Variants in LSAMP observed in about 807,000 individuals in gnomAD.
LSAMP encodes the protein limbic system-associated membrane protein.
In LSAMP, 7 loss-of-function variants were observed where a neutral mutation model predicts 38.6. The observed-to-expected ratio is 0.18, with a 90% CI of 0.10 to 0.34. LSAMP has a LOEUF of 0.34. Ranked by LOEUF, LSAMP falls within the 10% of genes least tolerant of loss-of-function variation. The pLI, the probability that LSAMP is intolerant of heterozygous loss-of-function variation, is 1.00. For synonymous variants in LSAMP, 154 were observed against 166.8 expected (o/e 0.92, Z 0.59); for missense variants, 313 against 420.0 (o/e 0.75, Z 2.23).
At chr3:116,366,565 C>T (rs1009937483) in intron 1 of LSAMP, among the ~76,000 whole-genome samples, 3 of 152,106 alleles carry the variant, frequency 2.0e-5, no homozygotes, top group African/African-American at 7.2e-5. Context: ...TAAAAGGTCT[C>T]AGTGAGCATG....
In LSAMP at chr3:116,133,273, T is replaced by TG. The variant is rs796546928; in HGVS notation, c.156-46718_156-46717insC. On this transcript the variant is annotated intron_variant, in intron 1 of 6. Transcript: ENST00000490035. ...TTCCTTTTTTTTTTGTTGTTGTTGTTTTGTTTGTTTTGCTTTGTTTTTGTT... is the reference window on the plus strand; with the variant it reads ...TTCCTTTTTTTTTTGTTGTTGTTGTTGTTGTTTGTTTTGCTTTGTTTTTGTT... Among the ~76,000 whole-genome samples, 50 of 151,856 alleles carry TG rather than the reference T, an allele frequency of 3.3e-4. No individual in the cohort carries two copies. In the East Asian group the frequency reaches 9.3e-3, roughly 28 times the overall value.
At chr3:116,166,919 T>A (rs2107547269) in intron 1 of LSAMP, among the ~76,000 whole-genome samples, 1 of 151,268 alleles carries the variant, frequency 6.6e-6, no homozygotes, top group African/African-American at 2.4e-5. Context: ...GCCTCCCAAG[T>A]AGCTAGGACT....
chr3:116,157,918 G>T (rs1452892212), intron 1 of LSAMP, among the ~76,000 whole-genome samples: 1 of 151,792 alleles, frequency 6.6e-6, no homozygotes, highest in African/African-American at 2.4e-5. Context: ...AAAACTTCAG[G>T]TCAATATTCT....
intron 6 of LSAMP, among the ~76,000 whole-genome samples, chr3:115,812,497 G>A (rs1445622685): frequency 6.6e-6 from 1 of 151,968 alleles, no homozygotes; most frequent in Non-Finnish European, 1.5e-5. Flanking sequence ...CACCCTTTTT[G>A]GACTTTTGGG....
At chr3:115,857,829 A>C (rs1935555380) in intron 3 of LSAMP, among the ~76,000 whole-genome samples, 1 of 152,174 alleles carries the variant, frequency 6.6e-6, no homozygotes, top group Non-Finnish European at 1.5e-5. Context: ...ATAAGTCAGA[A>C]AGAAGGGCCT....
chr3:115,916,044 A>AT (rs909420783), intron 3 of LSAMP, among the ~76,000 whole-genome samples: 10 of 151,810 alleles, frequency 6.6e-5, no homozygotes, highest in Admixed American at 1.3e-4. Flanking sequence ...CATGAGTGAG[A>AT]TTTTTTTTTA....
intron 3 of LSAMP, among the ~76,000 whole-genome samples, chr3:115,959,170 G>A (rs1438593231): frequency 1.3e-5 from 2 of 152,112 alleles, no homozygotes; most frequent in Non-Finnish European, 2.9e-5. Context: ...GTTACTAGAT[G>A]CCACTAAGGG....
intron 1 of LSAMP, among the ~76,000 whole-genome samples, chr3:116,379,176 A>G (rs922772378): frequency 6.6e-6 from 1 of 152,078 alleles, no homozygotes. Flanking sequence ...TTGACTATAC[A>G]TTGTATTGCT....
At chr3:116,050,215 C>T (rs1941368988) in intron 2 of LSAMP, among the ~76,000 whole-genome samples, 1 of 152,112 alleles carries the variant, frequency 6.6e-6, no homozygotes, top group South Asian at 2.1e-4. Context: ...AGTCCTAGTG[C>T]TTGTCAGAGG....
At chr3:115,867,238 TG>T (rs1935887454) in intron 3 of LSAMP, among the ~76,000 whole-genome samples, 1 of 152,106 alleles carries the variant, frequency 6.6e-6, no homozygotes, top group Non-Finnish European at 1.5e-5. Flanking sequence ...CAGGAGGCCT[TG>T]GAATATTTTC....
intron 1 of LSAMP, among the ~76,000 whole-genome samples, chr3:116,355,506 C>T (rs757917380): frequency 4.6e-5 from 7 of 152,112 alleles, no homozygotes; most frequent in Non-Finnish European, 7.4e-5. Context: ...ATTGGATAAA[C>T]TCTCCACAAC....
At chr3:116,023,604 CAAA>C (rs71141849) in intron 2 of LSAMP, among the ~76,000 whole-genome samples, 34 of 78,036 alleles carry the variant, frequency 4.4e-4, no homozygotes, top group Non-Finnish European at 5.2e-4. Flanking sequence ...GACTCCGTCT[CAAA>C]AAAAAAAAAA....
rs530180871 is a variant in LSAMP at position 115,842,107 on chromosome 3, T to C, written c.771-114A>G. Reference sequence around the variant, plus strand: ...AGGAGAGAAAGGAAGTAGCTAGAGTTTGTTGTTCCATGCCCAATTCCTATT... The same window carrying C: ...AGGAGAGAAAGGAAGTAGCTAGAGTCTGTTGTTCCATGCCCAATTCCTATT... On this transcript the variant is annotated intron_variant, in intron 5 of 6. Coordinates refer to ENST00000490035, the MANE Select transcript of LSAMP (RefSeq NM_002338.5). The C allele has an allele frequency of 6.9e-5, 76 of 1,100,330 alleles. No homozygotes were observed. In the South Asian group the frequency reaches 1.1e-3, roughly 16 times the overall value. The allele number at this position is 1,100,330 out of a possible 1,614,324, so 68.2% of individuals were successfully genotyped here. A position where few individuals can be genotyped will look rare whatever the true frequency, so the allele number is the denominator to read the frequency against.
chr3:115,927,535 A>G (rs1937517398), intron 3 of LSAMP, among the ~76,000 whole-genome samples: 1 of 152,100 alleles, frequency 6.6e-6, no homozygotes, highest in Non-Finnish European at 1.5e-5. Context: ...CCCACCCCAC[A>G]TAACCATGGT....
At chr3:115,841,728 A>G (rs1935002043) in intron 6 of LSAMP, 117 bp downstream of exon 6, 1 of 1,236,210 alleles carries the variant, frequency 8.1e-7, no homozygotes, top group East Asian at 2.4e-5. Flanking sequence ...GTTTCAGTGC[A>G]TATATCCTTA....
At chr3:115,868,617 A>G (rs1269678081) in intron 3 of LSAMP, among the ~76,000 whole-genome samples, 1 of 152,144 alleles carries the variant, frequency 6.6e-6, no homozygotes, top group Non-Finnish European at 1.5e-5. Context: ...AGTTGAAGAT[A>G]TGAAACTTAA....
At chr3:116,031,788 G>GCATT (rs563772391) in intron 2 of LSAMP, among the ~76,000 whole-genome samples, 6 of 151,818 alleles carry the variant, frequency 4.0e-5, no homozygotes, top group Non-Finnish European at 7.4e-5. Flanking sequence ...TTCTTTCTTT[G>GCATT]CATTGCCCCT....
chr3:116,259,033 C>G (rs1376130505), intron 1 of LSAMP, among the ~76,000 whole-genome samples: 1 of 152,046 alleles, frequency 6.6e-6, no homozygotes, highest in East Asian at 1.9e-4. Flanking sequence ...TTGACCCTAC[C>G]CAAGGATTGT....
At chr3:116,044,228 T>C (rs1051630741) in intron 2 of LSAMP, among the ~76,000 whole-genome samples, 5 of 152,196 alleles carry the variant, frequency 3.3e-5, no homozygotes, top group African/African-American at 4.8e-5. Context: ...GGAATAATAA[T>C]ATGTAAATTG....
Sources: allele counts gnomAD v4.1 joint callset (sites outside exome capture counted in the v4.1 genomes callset), GRCh38; gene constraint gnomAD v4.1.1; transcripts MANE v1.5; gene names NCBI Gene and HGNC (gene_info 2026-07-23, HGNC 2026-07-21).